GALNT2: variants seen among roughly 807,000 people sequenced by gnomAD.
The protein encoded by GALNT2 is polypeptide N-acetylgalactosaminyltransferase 2.
In GALNT2, 31 loss-of-function variants were observed where a neutral mutation model predicts 81.4. The observed-to-expected ratio is 0.38, with a 90% CI of 0.29 to 0.51. The LOEUF is 0.51. GALNT2 is among the 20% of genes least tolerant of loss of function. GALNT2 has a pLI of 0.87. For missense variants in GALNT2, 629 were observed against 765.7 expected, an observed-to-expected ratio of 0.82 and a Z score of 2.11; for synonymous variants, 303 against 287.4, an observed-to-expected ratio of 1.05 and a Z score of -0.55.
rs187749441 is a variant in GALNT2, at chr1:230,257,846, C to T, written c.1136+2502C>T. Among the ~76,000 whole-genome samples the T allele has an allele frequency of 3.9e-5, 6 of 152,200 alleles. No homozygotes were observed. The highest frequency in any genetic ancestry group is 4.1e-4 in the South Asian group (2 of 4,820). On this transcript the variant is annotated intron_variant, in intron 11 of 15. Transcript: ENST00000366672. This position sits in a 1 kb window ranked among gnomAD's most constrained non-coding sequence, Gnocchi z 4.6. ...GAGCTTTGTTACACAACTGCGCTGGCGTGCTGCCCCTACAGAAATAGGGAA... is the reference window on the plus strand; with the variant it reads ...GAGCTTTGTTACACAACTGCGCTGGTGTGCTGCCCCTACAGAAATAGGGAA...
Position 230,067,254 on chromosome 1 carries a change from G to T in GALNT2, c.-27G>T, listed in dbSNP as rs1321213574. The T allele has an allele frequency of 3.9e-6, 5 of 1,274,276 alleles. No homozygotes were observed. The highest frequency in any genetic ancestry group is 5.0e-6 in the Non-Finnish European group (5 of 1,003,172). The allele number at this position is 1,274,276 out of a possible 1,614,324, so 78.9% of individuals were successfully genotyped here. A position where few individuals can be genotyped will look rare whatever the true frequency, so the allele number is the denominator to read the frequency against. On this transcript the variant is annotated 5_prime_UTR_variant, in exon 1 of 16. Coordinates refer to ENST00000366672, the MANE Select transcript of GALNT2 (RefSeq NM_004481.5). ...CCAGGCAGCACTCGCGAGCAGCGGC[G>T]GCCCCGCCGGCGGCCGAGTTGGGAG... is the stretch of plus-strand genomic sequence containing the variant.
At chr1:230,274,240 T>A (rs1320428142) in intron 14 of GALNT2, among the ~76,000 whole-genome samples, 1 of 152,262 alleles carries the variant, frequency 6.6e-6, no homozygotes, top group African/African-American at 2.4e-5. Flanking sequence ...AACTTACTGC[T>A]CAGTTGTGAG....
At chr1:230,104,855 CA>C (rs1660493262) in intron 1 of GALNT2, among the ~76,000 whole-genome samples, 1 of 152,254 alleles carries the variant, frequency 6.6e-6, no homozygotes, top group Non-Finnish European at 1.5e-5. Context: ...GGCTGAGTCA[CA>C]GCTGACTTAG....
chr1:230,203,424 C>T (rs1572083011), intron 3 of GALNT2, 134 bp downstream of exon 3: 1 of 1,072,272 alleles, frequency 9.3e-7, no homozygotes, highest in Non-Finnish European at 1.4e-6. Context: ...TAGGAAAAAT[C>T]CTGAGGTATA....
At chr1:230,082,911 A>C (rs1659779598) in intron 1 of GALNT2, among the ~76,000 whole-genome samples, 1 of 150,534 alleles carries the variant, frequency 6.6e-6, no homozygotes, top group Non-Finnish European at 1.5e-5. Flanking sequence ...GATGATGGAC[A>C]GGGAGCTGGG....
chr1:230,279,774 G>GGA lies in GALNT2; in HGVS notation c.*318_*319dup, dbSNP rs1361155255. 2.0e-6 allele frequency: 1 copy of GGA among 505,560 alleles called. No homozygotes were observed. The highest frequency in any genetic ancestry group is 3.8e-6 in the Non-Finnish European group (1 of 260,116). 31.3% of individuals were successfully genotyped at this position (505,560 alleles called of 1,614,324 possible). The stretch of plus-strand genomic sequence containing the variant: ...GTGACACCCAGCGACAACCGACTGG[G>GGA]GAGTGGTAGAAGCAACTGAACGGAT... On this transcript the variant is annotated 3_prime_UTR_variant, in exon 16 of 16. Coordinates refer to ENST00000366672, the MANE Select transcript of GALNT2 (RefSeq NM_004481.5). The surrounding 1 kb of genome is among the most constrained non-coding windows in gnomAD (Gnocchi z 4.6).
chr1:230,076,243 A>T (rs986933350), intron 1 of GALNT2, among the ~76,000 whole-genome samples: 2 of 152,130 alleles, frequency 1.3e-5, no homozygotes, highest in Non-Finnish European at 2.9e-5. Flanking sequence ...GAACAATCTC[A>T]TTTCTTGATT....
At chr1:230,168,343 C>T (rs1406306418) in intron 1 of GALNT2, among the ~76,000 whole-genome samples, 2 of 152,230 alleles carry the variant, frequency 1.3e-5, no homozygotes, top group African/African-American at 2.4e-5. Flanking sequence ...ATGCGAGTGG[C>T]ATCCCTTGTG....
chr1:230,117,472 A>C (rs1397609336), intron 1 of GALNT2, among the ~76,000 whole-genome samples: 1 of 152,144 alleles, frequency 6.6e-6, no homozygotes, highest in Non-Finnish European at 1.5e-5. Context: ...TTAAGGTGAG[A>C]GATGTGCCGC....
At chr1:230,127,525 G>T (rs1350411898) in intron 1 of GALNT2, among the ~76,000 whole-genome samples, 1 of 151,942 alleles carries the variant, frequency 6.6e-6, no homozygotes, top group African/African-American at 2.4e-5. Flanking sequence ...ACAGGCATGC[G>T]GCACCATGCG....
chr1:230,138,385 C>T (rs1661619284), intron 1 of GALNT2, among the ~76,000 whole-genome samples: 1 of 152,000 alleles, frequency 6.6e-6, no homozygotes, highest in African/African-American at 2.4e-5. Flanking sequence ...ATTAGCCAGG[C>T]ATGGTGGTGC....
At chr1:230,212,345 C>G (rs369488232) in intron 3 of GALNT2, among the ~76,000 whole-genome samples, 65 of 152,318 alleles carry the variant, frequency 4.3e-4, no homozygotes, top group African/African-American at 1.5e-3. Context: ...TGGTAACTTG[C>G]AGCCAAACAA....
chr1:230,258,376 T>C (rs908528246), intron 11 of GALNT2, among the ~76,000 whole-genome samples: 2 of 151,972 alleles, frequency 1.3e-5, no homozygotes, highest in Admixed American at 1.3e-4. Flanking sequence ...ATTACAGGCA[T>C]GCGCCACCAC....
upstream of GALNT2, among the ~76,000 whole-genome samples, chr1:230,063,719 G>A (rs1169830731): frequency 2.6e-5 from 4 of 152,302 alleles, no homozygotes; most frequent in South Asian, 2.1e-4. Context: ...CAATTGATAA[G>A]TGTTTAGGAA....
intron 1 of GALNT2, among the ~76,000 whole-genome samples, chr1:230,069,642 C>G (rs569174211): frequency 1.8e-4 from 27 of 152,092 alleles, no homozygotes; most frequent in African/African-American, 6.3e-4. Flanking sequence ...TTCTTTCTTC[C>G]CCAATTGTTT....
chr1:230,154,204 C>T (rs1662176392), intron 1 of GALNT2, among the ~76,000 whole-genome samples: 1 of 152,228 alleles, frequency 6.6e-6, no homozygotes, highest in South Asian at 2.1e-4. Flanking sequence ...AGAAGTCAAG[C>T]TGCCGTCCAC....
At chr1:230,111,239 G>A (rs1353339431) in intron 1 of GALNT2, among the ~76,000 whole-genome samples, 2 of 150,530 alleles carry the variant, frequency 1.3e-5, no homozygotes, top group Admixed American at 6.6e-5. Context: ...GTACCTACAC[G>A]TGTGCATACT....
chr1:230,178,553 AAGTATATATT>A (rs1663059450), intron 2 of GALNT2, among the ~76,000 whole-genome samples: 1 of 152,222 alleles, frequency 6.6e-6, no homozygotes, highest in Non-Finnish European at 1.5e-5. Context: ...CTAAAGTAGA[AAGTATATATT>A]AGTATATATT....
chr1:230,267,654 A>C (rs2102770466), intron 14 of GALNT2, among the ~76,000 whole-genome samples: 1 of 152,278 alleles, frequency 6.6e-6, no homozygotes, highest in South Asian at 2.1e-4. Flanking sequence ...CACAGGCCCC[A>C]CCCGTGTCAG....
Sources: allele counts gnomAD v4.1 joint callset (sites outside exome capture counted in the v4.1 genomes callset), GRCh38; gene constraint gnomAD v4.1.1; non-coding constraint Gnocchi (gnomAD v3.1); transcripts MANE v1.5; gene names NCBI Gene and HGNC (gene_info 2026-07-23, HGNC 2026-07-21).